The following MMP26 variants were observed in gnomAD, a reference collection of about 807,000 sequenced individuals.
The protein encoded by MMP26 is matrix metalloproteinase-26.
Under a neutral mutation model 31.0 loss-of-function variants are expected in MMP26, and 33 were observed. That is an observed-to-expected ratio of 1.06 (90% CI 0.81 to 1.42). MMP26 has a LOEUF of 1.42. MMP26 is among the 40% of genes most tolerant of loss of function. MMP26 has a pLI of 0.00. For missense variants in MMP26, 347 were observed against 316.1 expected (o/e 1.10, Z -0.74); for synonymous variants, 122 against 114.9 (o/e 1.06, Z -0.40).
intron 2 of MMP26, among the ~76,000 whole-genome samples, chr11:4,795,809 C>T (rs1175230342): frequency 2.1e-5 from 3 of 144,506 alleles, no homozygotes; most frequent in African/African-American, 5.2e-5. Flanking sequence ...TGGGAGAGGA[C>T]GAAGGGGACA....
At chr11:4,851,291 T>C (rs1435190152) in intron 2 of MMP26, among the ~76,000 whole-genome samples, 1 of 152,166 alleles carries the variant, frequency 6.6e-6, no homozygotes, top group Non-Finnish European at 1.5e-5. Context: ...GCTTCCGTGA[T>C]TTGGAGCTCT....
chr11:4,943,511 A>C (rs757659049), intron 2 of MMP26: 12 of 455,982 alleles, frequency 2.6e-5, no homozygotes, highest in African/African-American at 2.2e-4. Context: ...GGCACCACTG[A>C]CATTTTGTGC....
At chr11:4,971,556 G>A (rs1846666617) in intron 2 of MMP26, among the ~76,000 whole-genome samples, 1 of 152,192 alleles carries the variant, frequency 6.6e-6, no homozygotes, top group African/African-American at 2.4e-5. Flanking sequence ...TGAAAAGTAA[G>A]AATGTATGGA....
chr11:4,791,235 G>C (rs533666048), intron 2 of MMP26, among the ~76,000 whole-genome samples: 1 of 152,156 alleles, frequency 6.6e-6, no homozygotes, highest in Non-Finnish European at 1.5e-5. Flanking sequence ...TAATAGTTGC[G>C]GCTATGAACA....
chr11:4,983,593 G>A (rs1846845207), intron 2 of MMP26, among the ~76,000 whole-genome samples: 2 of 152,322 alleles, frequency 1.3e-5, no homozygotes, highest in South Asian at 4.1e-4. Flanking sequence ...ATACCCAGCA[G>A]ATCAAATACT....
chr11:4,798,327 A>T (rs957428832), intron 2 of MMP26, among the ~76,000 whole-genome samples: 1 of 152,192 alleles, frequency 6.6e-6, no homozygotes, highest in Non-Finnish European at 1.5e-5. Context: ...GCAGACCAAG[A>T]CTAAACTTCA....
intron 2 of MMP26, among the ~76,000 whole-genome samples, chr11:4,905,057 C>A (rs907758354): frequency 3.9e-5 from 6 of 152,074 alleles, no homozygotes; most frequent in African/African-American, 1.4e-4. Flanking sequence ...GAGTCAATAT[C>A]CCTCAGCAAA....
At chr11:4,867,206 G>A (rs1357443723) in intron 2 of MMP26, among the ~76,000 whole-genome samples, 2 of 152,048 alleles carry the variant, frequency 1.3e-5, no homozygotes, top group Non-Finnish European at 1.5e-5. Flanking sequence ...CTAATATCAA[G>A]TATCTAGAAG....
chr11:4,797,636 C>T (rs1849125515), intron 2 of MMP26, among the ~76,000 whole-genome samples: 2 of 152,162 alleles, frequency 1.3e-5, no homozygotes, highest in Non-Finnish European at 2.9e-5. Context: ...AGGCCTTGAT[C>T]CTCTTTTCAA....
intron 1 of MMP26, among the ~76,000 whole-genome samples, chr11:4,748,431 CT>C (rs1489032923): frequency 2.0e-5 from 3 of 151,996 alleles, no homozygotes; most frequent in Non-Finnish European, 4.4e-5. Context: ...GGAATTACCC[CT>C]AACTCATTTT....
At chr11:4,710,098 A>G in intron 1 of MMP26, 1 of 456,686 alleles carries the variant, frequency 2.2e-6, no homozygotes, top group Non-Finnish European at 4.4e-6. Context: ...CATGTGCTCC[A>G]CCATTCCTAC....
intron 2 of MMP26, among the ~76,000 whole-genome samples, chr11:4,802,221 A>G (rs891637797): frequency 1.3e-5 from 2 of 152,082 alleles, no homozygotes; most frequent in African/African-American, 4.8e-5. Flanking sequence ...CATTGTTTTG[A>G]TTTTGGGTGG....
rs149434362 is a variant in MMP26, at chr11:4,769,839, C to A, written c.-145+2498C>A. ...CAACAGAAAGGAATGGAGATCCAGA[C>A]ATGGGCAGACTCTAGGCCAGGAATG... On this transcript the variant is annotated intron_variant, in intron 2 of 7. Transcript: ENST00000380390. The A allele has an allele frequency of 9.8e-5, 158 of 1,612,874 alleles. No individual in the cohort carries two copies. The highest frequency in any genetic ancestry group is 1.3e-4 in the Non-Finnish European group (156 of 1,178,994).
chr11:4,781,456 A>T lies in MMP26; in HGVS notation c.-145+14115A>T, dbSNP rs1296154140. On this transcript the variant is annotated intron_variant, in intron 2 of 7. Transcript: ENST00000380390. Reference sequence around the variant, plus strand: ...CAGCTACTCGGGAGGCTGAGGCAGGAGAATGGCGTGAACCCGGGAAGCGGA... The same window carrying T: ...CAGCTACTCGGGAGGCTGAGGCAGGTGAATGGCGTGAACCCGGGAAGCGGA... Among the ~76,000 whole-genome samples, 2 of 114,156 alleles carry T rather than the reference A, an allele frequency of 1.8e-5. 1 individual carries two copies. The highest frequency in any genetic ancestry group is 3.4e-5 in the Non-Finnish European group (2 of 58,036). 74.9% of individuals were successfully genotyped at this position (114,156 alleles called of 152,430 possible).
intron 2 of MMP26, among the ~76,000 whole-genome samples, chr11:4,853,256 T>A (rs766328813): frequency 6.6e-6 from 1 of 152,112 alleles, no homozygotes; most frequent in Non-Finnish European, 1.5e-5. Flanking sequence ...CAAGGGTAAC[T>A]ATGTGAGGTA....
intron 2 of MMP26, among the ~76,000 whole-genome samples, chr11:4,866,210 T>C (rs1850232140): frequency 6.6e-6 from 1 of 152,172 alleles, no homozygotes; most frequent in Admixed American, 6.6e-5. Flanking sequence ...TGTAAGAATG[T>C]GAAATATAAG....
At chr11:4,715,944 G>T (rs61883463) in intron 1 of MMP26, among the ~76,000 whole-genome samples, 24,445 of 152,122 alleles carry the variant, frequency 0.16, 2,174 homozygotes, top group East Asian at 0.29. Flanking sequence ...AGACTATCCT[G>T]CTAGGGCTTA....
At chr11:4,731,020 C>T (rs187537395) in intron 1 of MMP26, among the ~76,000 whole-genome samples, 4 of 152,262 alleles carry the variant, frequency 2.6e-5, no homozygotes, top group Non-Finnish European at 5.9e-5. Flanking sequence ...TCTTGGTTCA[C>T]TGCAGCCTCC....
chr11:4,882,281 A>G, intron 2 of MMP26: 1 of 1,613,812 alleles, frequency 6.2e-7, no homozygotes, highest in Non-Finnish European at 8.5e-7. Context: ...CTTCGTGGCT[A>G]TCTGTAACCC....
Sources: allele counts gnomAD v4.1 joint callset (sites outside exome capture counted in the v4.1 genomes callset), GRCh38; gene constraint gnomAD v4.1.1; transcripts MANE v1.5; gene names NCBI Gene and HGNC (gene_info 2026-07-23, HGNC 2026-07-21).